The following MCM9 variants were observed in gnomAD, a reference collection of about 807,000 sequenced individuals.
MCM9 encodes DNA helicase MCM9.
MCM9 carries 55 observed loss-of-function variants against 72.8 expected under a neutral mutation model. The observed-to-expected ratio is 0.76, with a 90% CI of 0.61 to 0.95. MCM9 has a LOEUF of 0.95. Ranked by LOEUF, MCM9 falls within the 40% of genes least tolerant of loss-of-function variation. MCM9 has a pLI of 0.00. For missense variants in MCM9, 1,279 were observed against 1,377.0 expected (o/e 0.93, Z 1.13); for synonymous variants, 480 against 503.4 (o/e 0.95, Z 0.62).
At chr6:118,837,759 A>T (rs371015235) in intron 9 of MCM9, among the ~76,000 whole-genome samples, 12 of 152,090 alleles carry the variant, frequency 7.9e-5, no homozygotes, top group African/African-American at 2.9e-4. Flanking sequence ...GTGTATTTGC[A>T]CGTGAGATGG....
At position 118,903,867 on chromosome 6, in the gene MCM9, G is replaced by A. The variant is rs1233783395; in HGVS notation, c.1150+7783C>T. Among the ~76,000 whole-genome samples the A allele has an allele frequency of 5.3e-5, 8 of 152,224 alleles. No individual in the cohort carries two copies. The East Asian group carries it at 1.4e-3, about 26-fold the overall frequency. On this transcript the variant is annotated intron_variant, in intron 8 of 13. Coordinates refer to ENST00000619706, the MANE Select transcript of MCM9 (RefSeq NM_017696.3). ...CTCCCAAAGTGCTAGGATTACAGGC[G>A]TGAGCCACCGTGCTCAGAGCGTGAA...
At position 118,828,216 on chromosome 6, in the gene MCM9, T is replaced by C. The variant is rs1250991924; in HGVS notation, c.1529-86A>G. 9.1e-6 allele frequency: 10 copies of C among 1,093,868 alleles called. No homozygotes were observed. The Admixed American group carries it at 1.6e-4, about 17-fold the overall frequency. 67.8% of individuals were successfully genotyped at this position (1,093,868 alleles called of 1,614,324 possible). On this transcript the variant is annotated intron_variant, in intron 10 of 13. Coordinates refer to ENST00000619706, the MANE Select transcript of MCM9 (RefSeq NM_017696.3). ...GATTTTTATAAAGTTCTGGTACTCA[T>C]TTGTTAAAAGATAACCTTCATGTTT...
At chr6:118,830,831 T>C (rs913267796) in intron 9 of MCM9, among the ~76,000 whole-genome samples, 1 of 152,212 alleles carries the variant, frequency 6.6e-6, no homozygotes, top group African/African-American at 2.4e-5. Context: ...AAAAGGTACA[T>C]ATCTGATCTC....
At chr6:118,856,286 C>A (rs1433123335) in intron 9 of MCM9, 85 bp downstream of exon 9, 1 of 1,359,988 alleles carries the variant, frequency 7.4e-7, no homozygotes, top group Non-Finnish European at 9.8e-7. Flanking sequence ...CCAAACATAC[C>A]TTATAGCTCA....
At chr6:118,886,906 A>G (rs1432673882) in intron 8 of MCM9, among the ~76,000 whole-genome samples, 1 of 152,214 alleles carries the variant, frequency 6.6e-6, no homozygotes, top group Non-Finnish European at 1.5e-5. Context: ...TCAAGGCTGC[A>G]GTGAGCTATC....
chr6:118,900,980 A>T, intron 8 of MCM9: 2 of 839,860 alleles, frequency 2.4e-6, no homozygotes, highest in East Asian at 2.5e-5. Context: ...TTTGGGTTAA[A>T]GAACTGCTTC....
intron 8 of MCM9, among the ~76,000 whole-genome samples, chr6:118,878,972 T>C (rs1189560532): frequency 6.6e-6 from 1 of 151,806 alleles, no homozygotes; most frequent in Non-Finnish European, 1.5e-5. Context: ...AGGAGAATCA[T>C]TTAAGCCCAA....
chr6:118,888,619 T>G (rs1480550172), intron 8 of MCM9, among the ~76,000 whole-genome samples: 1 of 152,060 alleles, frequency 6.6e-6, no homozygotes, highest in Non-Finnish European at 1.5e-5. Flanking sequence ...CATGCAAAAA[T>G]TTGTACACAT....
chr6:118,885,156 G>A (rs1168441213), intron 8 of MCM9, among the ~76,000 whole-genome samples: 7 of 152,128 alleles, frequency 4.6e-5, no homozygotes, highest in East Asian at 1.9e-4. Flanking sequence ...AGATTGCGCC[G>A]CTGCACTCCA....
chr6:118,881,458 G>T (rs911811916), intron 8 of MCM9, among the ~76,000 whole-genome samples: 4 of 152,134 alleles, frequency 2.6e-5, no homozygotes, highest in Non-Finnish European at 5.9e-5. Context: ...TTCAGTGAGC[G>T]AGTCAATGTG....
rs370313677 is a variant in MCM9, at chr6:118,851,185, A to T, written c.1325+5186T>A. On this transcript the variant is annotated intron_variant, in intron 9 of 13. Transcript: ENST00000619706. ...AAATTTTCAGGCCAGCATGTATTAG[A>T]AACATTTCATTTCAAATCAAAAGCA... Among the ~76,000 whole-genome samples the T allele has an allele frequency of 3.5e-4, 53 of 151,898 alleles. 1 individual carries two copies. In the South Asian group the frequency reaches 8.7e-3, roughly 25 times the overall value.
At chr6:118,881,838 T>A (rs1419476456) in intron 8 of MCM9, among the ~76,000 whole-genome samples, 3 of 151,902 alleles carry the variant, frequency 2.0e-5, no homozygotes, top group African/African-American at 7.3e-5. Context: ...ATAGTGAGAG[T>A]CTAAGACACT....
At chr6:118,893,782 A>C (rs528534429) in intron 8 of MCM9, among the ~76,000 whole-genome samples, 2 of 152,136 alleles carry the variant, frequency 1.3e-5, no homozygotes, top group South Asian at 4.2e-4. Flanking sequence ...TGCTAAATTC[A>C]GCAAGGCCGG....
intron 3 of MCM9, among the ~76,000 whole-genome samples, chr6:118,927,804 A>C (rs971479103): frequency 6.6e-6 from 1 of 152,206 alleles, no homozygotes; most frequent in African/African-American, 2.4e-5. Context: ...CTTTAATTTG[A>C]TAGTGTTTCT....
rs755472506 is a variant in MCM9, at chr6:118,924,129, T to C, written c.305-2A>G. 4 of 1,606,372 alleles carry C rather than the reference T, an allele frequency of 2.5e-6. No individual in the cohort carries two copies. The highest frequency in any genetic ancestry group is 2.2e-5 in the East Asian group (1 of 44,714). On this transcript the variant is annotated splice_acceptor_variant, in intron 3 of 13. Transcript: ENST00000619706. LOFTEE classifies it high-confidence loss of function. ...CCAGCTCAGGACAGACAGGCAAACC[T>C]GATGGAGAAAACAAAAAAACAGCAT...
intron 6 of MCM9, among the ~76,000 whole-genome samples, chr6:118,917,338 TA>T (rs1310554696): frequency 6.6e-6 from 1 of 152,146 alleles, no homozygotes; most frequent in East Asian, 1.9e-4. Flanking sequence ...GTGTTTAAAA[TA>T]ATAGTTAGAA....
intron 8 of MCM9, among the ~76,000 whole-genome samples, chr6:118,905,139 T>C (rs1780087627): frequency 6.6e-6 from 1 of 152,176 alleles, no homozygotes; most frequent in South Asian, 2.1e-4. Context: ...CCCAACCTCA[T>C]TTTCAGTTTT....
intron 9 of MCM9, among the ~76,000 whole-genome samples, chr6:118,840,711 C>T (rs1775298470): frequency 6.7e-6 from 1 of 149,668 alleles, no homozygotes; most frequent in Non-Finnish European, 1.5e-5. Context: ...CCTTAAAATG[C>T]TAGGTACATA....
At chr6:118,825,848 C>T (rs894749846) in intron 13 of MCM9, among the ~76,000 whole-genome samples, 5 of 152,130 alleles carry the variant, frequency 3.3e-5, no homozygotes, top group African/African-American at 4.8e-5. Flanking sequence ...TCAGCCAACA[C>T]AATGTGGAGC....
Sources: allele counts gnomAD v4.1 joint callset (sites outside exome capture counted in the v4.1 genomes callset), GRCh38; gene constraint gnomAD v4.1.1; transcripts MANE v1.5; gene names NCBI Gene and HGNC (gene_info 2026-07-23, HGNC 2026-07-21).